The following RNF24 variants were observed in gnomAD, a reference collection of about 807,000 sequenced individuals.
The protein encoded by RNF24 is ring finger protein 24.
A neutral mutation model predicts 20.0 loss-of-function variants in RNF24; 14 were observed. That is an observed-to-expected ratio of 0.70 (90% CI 0.46 to 1.10). The LOEUF is 1.10. Ranked by LOEUF, RNF24 falls within the 50% of genes least tolerant of loss-of-function variation. The probability of loss-of-function intolerance (pLI) is 0.00; values close to 1 mark genes in which losing one functional copy is unlikely to be tolerated. For missense variants in RNF24, 124 were observed against 177.6 expected (o/e 0.70, Z 1.71); for synonymous variants, 45 against 61.1 (o/e 0.74, Z 1.23).
chr20:3,986,674 G>A (rs1979945227), intron 1 of RNF24, among the ~76,000 whole-genome samples: 1 of 148,932 alleles, frequency 6.7e-6, no homozygotes, highest in Non-Finnish European at 1.5e-5. Flanking sequence ...TTGAGACAGA[G>A]TCTCACTTTG....
rs2090833982 is a variant in RNF24 at position 3,932,289 on chromosome 20, A to G, written c.*1774T>C. 1 of 152,218 alleles carries G rather than the reference A, an allele frequency of 6.6e-6. No individual in the cohort carries two copies. Among genetic ancestry groups the G allele is most frequent in the Non-Finnish European group, 1.5e-5 (1 of 68,042 alleles). The allele number at this position is 152,218 out of a possible 1,614,324, so 9.4% of individuals were successfully genotyped here. A position where few individuals can be genotyped will look rare whatever the true frequency, so the allele number is the denominator to read the frequency against. On this transcript the variant is annotated 3_prime_UTR_variant, in exon 6 of 6. Coordinates refer to ENST00000358395, the MANE Select transcript of RNF24 (RefSeq NM_001134337.3). The stretch of plus-strand genomic sequence containing the variant: ...AATGCAAAAAGACGGTGAAAGTAGG[A>G]GTGCATAAATAGTTTTTTTCATGGG...
chr20:3,947,907 G>A (rs1362486847), intron 3 of RNF24, among the ~76,000 whole-genome samples: 1 of 152,004 alleles, frequency 6.6e-6, no homozygotes, highest in African/African-American at 2.4e-5. Flanking sequence ...TTAGCCAGGC[G>A]TGGTGGCGCA....
chr20:4,000,498 C>T (rs1333468213), intron 1 of RNF24, among the ~76,000 whole-genome samples: 2 of 151,894 alleles, frequency 1.3e-5, no homozygotes, highest in African/African-American at 4.8e-5. Context: ...GCACTCCAGC[C>T]TGGGCAACAA....
chr20:3,943,115 G>A lies in RNF24; in HGVS notation c.228+2062C>T, dbSNP rs149370740. ...ATAGGTGTGAGCCACCCAGCCCGGC[G>A]AGAGACCTTGACAAAAGGGTCAGTT... On this transcript the variant is annotated intron_variant, in intron 4 of 5. Coordinates refer to ENST00000358395, the MANE Select transcript of RNF24 (RefSeq NM_001134337.3). Among the ~76,000 whole-genome samples, 692 of 152,008 alleles carry A rather than the reference G, an allele frequency of 4.6e-3. 3 individuals carry two copies. The highest frequency in any genetic ancestry group is 0.016 in the African/African-American group (670 of 41,502).
chr20:3,961,770 A>G (rs866915588), intron 2 of RNF24, among the ~76,000 whole-genome samples: 1 of 151,852 alleles, frequency 6.6e-6, no homozygotes, highest in African/African-American at 2.4e-5. Context: ...TTAAATTTAC[A>G]TATTTCTAAG....
intron 1 of RNF24, among the ~76,000 whole-genome samples, chr20:3,980,452 A>C (rs1257289928): frequency 1.3e-5 from 2 of 152,206 alleles, no homozygotes; most frequent in African/African-American, 2.4e-5. Flanking sequence ...GGTGAGATGC[A>C]GTGAGCACGA....
intron 1 of RNF24, among the ~76,000 whole-genome samples, chr20:3,991,910 GAATAT>G (rs1047440584): frequency 1.3e-5 from 2 of 151,460 alleles, no homozygotes; most frequent in African/African-American, 4.9e-5. Flanking sequence ...TTCATGAATA[GAATAT>G]GTGTGGCTAT....
At chr20:3,973,469 A>T (rs1182828182) in intron 1 of RNF24, among the ~76,000 whole-genome samples, 1 of 149,440 alleles carries the variant, frequency 6.7e-6, no homozygotes, top group Non-Finnish European at 1.5e-5. Context: ...TGAAATGATC[A>T]GTAACACTGA....
At chr20:3,954,165 T>C (rs1324306677) in intron 2 of RNF24, among the ~76,000 whole-genome samples, 1 of 152,218 alleles carries the variant, frequency 6.6e-6, no homozygotes, top group Non-Finnish European at 1.5e-5. Flanking sequence ...ATGTTGTCCA[T>C]CTACCAGCTA....
intron 4 of RNF24, among the ~76,000 whole-genome samples, chr20:3,937,835 G>A (rs560818317): frequency 1.5e-4 from 23 of 152,112 alleles, no homozygotes; most frequent in African/African-American, 5.1e-4. Context: ...TGTATGTACC[G>A]CATTTTGTTT....
At chr20:3,944,736 GC>G (rs1186338836) in intron 4 of RNF24, among the ~76,000 whole-genome samples, 1 of 152,080 alleles carries the variant, frequency 6.6e-6, no homozygotes. Flanking sequence ...GATTCATATC[GC>G]TACCTGTGTG....
intron 1 of RNF24, among the ~76,000 whole-genome samples, chr20:4,011,579 T>C (rs1982465258): frequency 6.6e-6 from 1 of 152,210 alleles, no homozygotes; most frequent in Non-Finnish European, 1.5e-5. Flanking sequence ...AGTGACTACC[T>C]GAGAATATTC....
intron 4 of RNF24, among the ~76,000 whole-genome samples, chr20:3,938,085 TG>T (rs1485012566): frequency 6.6e-6 from 1 of 152,238 alleles, no homozygotes; most frequent in Non-Finnish European, 1.5e-5. Flanking sequence ...GCAGTACGTA[TG>T]GGTTGTAATT....
intron 1 of RNF24, among the ~76,000 whole-genome samples, chr20:4,013,433 C>T (rs1013129997): frequency 6.6e-6 from 1 of 152,102 alleles, no homozygotes; most frequent in African/African-American, 2.4e-5. Context: ...CCAATATAAG[C>T]GCCTCTTAAT....
intron 1 of RNF24, among the ~76,000 whole-genome samples, chr20:4,001,526 T>G (rs966217273): frequency 1.3e-5 from 2 of 152,162 alleles, no homozygotes; most frequent in African/African-American, 2.4e-5. Context: ...AAGGTAAGAT[T>G]GTAAATCCAA....
intron 1 of RNF24, among the ~76,000 whole-genome samples, chr20:4,005,821 T>A (rs1279700391): frequency 6.6e-6 from 1 of 152,046 alleles, no homozygotes. Context: ...TAAGGCAACA[T>A]AAAGCATACT....
intron 1 of RNF24, among the ~76,000 whole-genome samples, chr20:3,990,612 C>T (rs1362685041): frequency 6.6e-6 from 1 of 152,152 alleles, no homozygotes; most frequent in Non-Finnish European, 1.5e-5. Context: ...AATCCCAGCA[C>T]TTTGGGAGGC....
chr20:3,978,942 C>T (rs1302592163), intron 1 of RNF24, among the ~76,000 whole-genome samples: 1 of 151,824 alleles, frequency 6.6e-6, no homozygotes, highest in African/African-American at 2.4e-5. Context: ...CCCATCTCTA[C>T]TAAAAATACA....
At chr20:3,985,388 A>G (rs1351343818) in intron 1 of RNF24, among the ~76,000 whole-genome samples, 1 of 152,094 alleles carries the variant, frequency 6.6e-6, no homozygotes, top group Non-Finnish European at 1.5e-5. Context: ...CATGCCTCAC[A>G]TTTAATCTAC....
Sources: allele counts gnomAD v4.1 joint callset (sites outside exome capture counted in the v4.1 genomes callset), GRCh38; gene constraint gnomAD v4.1.1; transcripts MANE v1.5; gene names NCBI Gene and HGNC (gene_info 2026-07-23, HGNC 2026-07-21).